Variants in PIBF1 observed in about 807,000 individuals in gnomAD.
PIBF1 encodes the protein progesterone-induced-blocking factor 1.
A neutral mutation model predicts 112.5 loss-of-function variants in PIBF1; 90 were observed. That is an observed-to-expected ratio of 0.80 (90% CI 0.67 to 0.95). The LOEUF is 0.95. Ranked by LOEUF, PIBF1 falls within the 40% of genes least tolerant of loss-of-function variation. The pLI is 0.00. For synonymous variants in PIBF1, 301 were observed against 288.6 expected (o/e 1.04, Z -0.44); for missense variants, 915 against 852.3 (o/e 1.07, Z -0.92).
chr13:73,015,084 C>T (rs1255400895), intron 17 of PIBF1, among the ~76,000 whole-genome samples: 3 of 152,192 alleles, frequency 2.0e-5, no homozygotes, highest in African/African-American at 7.2e-5. Context: ...CCGCGCCCAT[C>T]GTCAAGTGAT....
At chr13:72,949,483 T>C (rs2042241741) in intron 14 of PIBF1, among the ~76,000 whole-genome samples, 1 of 151,860 alleles carries the variant, frequency 6.6e-6, no homozygotes, top group Non-Finnish European at 1.5e-5. Flanking sequence ...ACCCAGCTAA[T>C]TTTTTGTATT....
chr13:72,922,701 T>G (rs1555315672), intron 13 of PIBF1, among the ~76,000 whole-genome samples: 1 of 152,216 alleles, frequency 6.6e-6, no homozygotes, highest in Non-Finnish European at 1.5e-5. Context: ...ACTAGCAAAA[T>G]TTTGTGTATG....
At chr13:72,923,974 T>A (rs890117843) in intron 13 of PIBF1, among the ~76,000 whole-genome samples, 12 of 149,912 alleles carry the variant, frequency 8.0e-5, no homozygotes, top group African/African-American at 2.0e-4. Context: ...CAAAAAAAAA[T>A]TTTTTTAAAT....
intron 5 of PIBF1, among the ~76,000 whole-genome samples, chr13:72,809,004 A>G (rs1325422449): frequency 6.6e-6 from 1 of 152,130 alleles, no homozygotes; most frequent in African/African-American, 2.4e-5. Flanking sequence ...TAAAAAGTTT[A>G]TTCTCTACAG....
At chr13:73,013,319 A>AAAAAAAAAG in intron 17 of PIBF1, among the ~76,000 whole-genome samples, 1 of 130,572 alleles carries the variant, frequency 7.7e-6, no homozygotes, top group Non-Finnish European at 1.6e-5. Context: ...AAAAAAAAAA[A>AAAAAAAAAG]AAAAAAAGAA....
chr13:73,002,232 G>A (rs1403581097), intron 17 of PIBF1, among the ~76,000 whole-genome samples: 1 of 152,146 alleles, frequency 6.6e-6, no homozygotes, highest in African/African-American at 2.4e-5. Flanking sequence ...GTTTAGTTAT[G>A]TTCTTAGCTG....
intron 9 of PIBF1, among the ~76,000 whole-genome samples, chr13:72,844,302 T>A (rs1230502073): frequency 6.6e-6 from 1 of 152,218 alleles, no homozygotes; most frequent in East Asian, 1.9e-4. Flanking sequence ...CTATCAAAAC[T>A]ACAATTTTGA....
At position 72,795,381 on chromosome 13, in the gene PIBF1, C is replaced by A; in HGVS notation, c.376C>A (p.Gln126Lys). 2 of 1,593,570 alleles carry A rather than the reference C, an allele frequency of 1.3e-6. No individual in the cohort carries two copies. The highest frequency in any genetic ancestry group is 1.7e-4 in the Middle Eastern group (1 of 5,984). ...DASKYQELMK[Q>K]EMETILLRQK... ...TAGCAAATATCAAGAATTAATGAAA[C>A]AAGAAATGGAAACCATTTTGTTGAG... The change falls in exon 4 of 18, where the codon CAA becomes AAA. Residue 126 changes from glutamine (Q) to lysine (K), a missense_variant. Coordinates refer to ENST00000326291, the MANE Select transcript of PIBF1 (RefSeq NM_006346.4).
intron 10 of PIBF1, among the ~76,000 whole-genome samples, chr13:72,855,925 A>G (rs571841386): frequency 3.2e-4 from 49 of 152,284 alleles, no homozygotes; most frequent in African/African-American, 1.1e-3. Flanking sequence ...TTAAAAGAAA[A>G]CGTAAGATAT....
chr13:72,972,628 C>T (rs1017763458), intron 15 of PIBF1, among the ~76,000 whole-genome samples: 11 of 151,074 alleles, frequency 7.3e-5, no homozygotes, highest in Non-Finnish European at 1.5e-4. Flanking sequence ...CGCGCCACTG[C>T]ACTCCAGCCT....
chr13:72,949,054 T>C (rs527837057), intron 14 of PIBF1, among the ~76,000 whole-genome samples: 70 of 152,288 alleles, frequency 4.6e-4, no homozygotes, highest in African/African-American at 1.7e-3. Context: ...CAGTCTACTC[T>C]TAGGTTCCTG....
intron 8 of PIBF1, among the ~76,000 whole-genome samples, chr13:72,828,417 C>T (rs1163952804): frequency 1.3e-5 from 2 of 151,938 alleles, no homozygotes; most frequent in Non-Finnish European, 2.9e-5. Flanking sequence ...CTAATGTTAT[C>T]CCTCCCCTAG....
chr13:73,000,599 A>C (rs1267050368), intron 17 of PIBF1, among the ~76,000 whole-genome samples: 1 of 152,214 alleles, frequency 6.6e-6, no homozygotes, highest in African/African-American at 2.4e-5. Flanking sequence ...AAGCAGATTG[A>C]ATACATACAC....
intron 14 of PIBF1, among the ~76,000 whole-genome samples, chr13:72,962,537 C>A (rs1222127335): frequency 6.6e-6 from 1 of 151,006 alleles, no homozygotes; most frequent in Admixed American, 6.6e-5. Context: ...AGGTAGGCTG[C>A]AGTGAGCCAT....
At chr13:72,887,030 A>G (rs546806406) in intron 10 of PIBF1, among the ~76,000 whole-genome samples, 1 of 148,446 alleles carries the variant, frequency 6.7e-6, no homozygotes, top group Non-Finnish European at 1.5e-5. Flanking sequence ...GTGTTACTCT[A>G]TAGTTTTTCT....
chr13:72,819,364 A>G (rs1312261948), intron 5 of PIBF1, among the ~76,000 whole-genome samples: 3 of 152,000 alleles, frequency 2.0e-5, no homozygotes, highest in Admixed American at 6.6e-5. Context: ...AGTATGCTTC[A>G]TTCCCCTGAG....
At chr13:72,982,055 A>G (rs1434236950) in intron 16 of PIBF1, among the ~76,000 whole-genome samples, 3 of 152,216 alleles carry the variant, frequency 2.0e-5, no homozygotes, top group Non-Finnish European at 4.4e-5. Flanking sequence ...GTGAGAATTA[A>G]TATAGCAGTG....
intron 11 of PIBF1, among the ~76,000 whole-genome samples, chr13:72,899,442 A>T (rs1389904029): frequency 1.3e-5 from 2 of 152,262 alleles, no homozygotes; most frequent in African/African-American, 2.4e-5. Flanking sequence ...AGTAGGTTTC[A>T]TACCAGGGAT....
At chr13:72,978,452 T>G (rs948001854) in intron 16 of PIBF1, among the ~76,000 whole-genome samples, 2 of 152,242 alleles carry the variant, frequency 1.3e-5, no homozygotes, top group African/African-American at 4.8e-5. Context: ...TTTTCCTTAG[T>G]CTCATTTAGA....
Sources: gnomAD v4.1 joint callset for allele counts (sites outside exome capture counted in the v4.1 genomes callset) on GRCh38, gnomAD v4.1.1 for gene constraint, MANE v1.5 for transcripts, NCBI Gene and HGNC (gene_info 2026-07-23, HGNC 2026-07-21) for gene names.